The following COXFA4 variants were observed in gnomAD, a reference collection of about 807,000 sequenced individuals.
The protein encoded by COXFA4 is cytochrome c oxidase associated subunit FA4, also known as cytochrome c oxidase subunit FA4.
the COXFA4 span, chr7:10,933,427 A>G: frequency 1.8e-6 from 1 of 552,506 alleles, no homozygotes; most frequent in Non-Finnish European, 3.2e-6. Flanking sequence ...AGTTCAGAGC[A>G]TACTTTCAGC....
At chr7:10,937,642 A>C in the COXFA4 span, among the ~76,000 whole-genome samples, 1 of 152,132 alleles carries the variant, frequency 6.6e-6, no homozygotes, top group African/African-American at 2.4e-5. Flanking sequence ...CACATAAGGA[A>C]GGTTATGTTT....
At chr7:10,940,105 A>G in the COXFA4 span, 19 of 1,588,670 alleles carry the variant, frequency 1.2e-5, no homozygotes, top group African/African-American at 2.0e-4. Flanking sequence ...CGACCTAGCC[A>G]CCAGGCCCTA....
chr7:10,935,779 G>GT, the COXFA4 span, among the ~76,000 whole-genome samples: 1 of 152,344 alleles, frequency 6.6e-6, no homozygotes, highest in East Asian at 1.9e-4. Context: ...CTGGTCTACA[G>GT]TATCTTGTTA....
chr7:10,936,712 A>T, the COXFA4 span, among the ~76,000 whole-genome samples: 2 of 152,174 alleles, frequency 1.3e-5, no homozygotes, highest in Non-Finnish European at 2.9e-5. Context: ...TTAAGGGGAA[A>T]ACGTGAAATC....
At chr7:10,933,819 TAAC>T in the COXFA4 span, 2 of 692,046 alleles carry the variant, frequency 2.9e-6, no homozygotes, top group Admixed American at 2.6e-5. Context: ...AAAGAATATT[TAAC>T]AACATAAAAT....
chr7:10,934,240 T>C, the COXFA4 span, among the ~76,000 whole-genome samples: 1 of 152,226 alleles, frequency 6.6e-6, no homozygotes, highest in East Asian at 1.9e-4. Flanking sequence ...ATCCAGACTA[T>C]ATTCAATATC....
chr7:10,937,991 G>A, the COXFA4 span: 1 of 945,224 alleles, frequency 1.1e-6, no homozygotes, highest in Admixed American at 1.8e-5. Flanking sequence ...TCAATATAAT[G>A]GAATTTTACT....
the COXFA4 span, chr7:10,938,231 C>G: frequency 8.1e-7 from 1 of 1,228,986 alleles, no homozygotes; most frequent in South Asian, 1.2e-5. Flanking sequence ...TTGAACAGAT[C>G]AATCTTATTT....
chr7:10,938,606 G>A, the COXFA4 span: 2 of 524,828 alleles, frequency 3.8e-6, no homozygotes, highest in South Asian at 2.3e-5. Context: ...CTTTACCAAA[G>A]AGAAAACGAG....
chr7:10,939,919 G>C, the COXFA4 span: 2 of 1,368,902 alleles, frequency 1.5e-6, no homozygotes, highest in Non-Finnish European at 2.1e-6. Flanking sequence ...CGGACGGTAA[G>C]TGGCTGTAAA....
chr7:10,936,448 G>C, the COXFA4 span, among the ~76,000 whole-genome samples: 69 of 152,270 alleles, frequency 4.5e-4, no homozygotes, highest in Admixed American at 8.5e-4. Context: ...ATCAAAGCCT[G>C]CTAGTTTTTT....
At chr7:10,933,766 G>A in the COXFA4 span, 1 of 1,147,646 alleles carries the variant, frequency 8.7e-7, no homozygotes, top group Non-Finnish European at 1.3e-6. Context: ...AGAATTCTTT[G>A]TATTTGGTTT....
chr7:10,938,978 T>C, the COXFA4 span: 5 of 1,075,898 alleles, frequency 4.6e-6, no homozygotes, highest in Non-Finnish European at 7.2e-6. Context: ...TTTCTGCACA[T>C]TGATTTCCAA....
At chr7:10,940,028 C>G in the COXFA4 span, 4 of 1,613,954 alleles carry the variant, frequency 2.5e-6, no homozygotes, top group Non-Finnish European at 3.4e-6. Context: ...TCGGATGCTT[C>G]TTGGCCTGAC....
At chr7:10,934,892 G>C in the COXFA4 span, among the ~76,000 whole-genome samples, 1 of 151,858 alleles carries the variant, frequency 6.6e-6, no homozygotes, top group Admixed American at 6.6e-5. Context: ...TAGACAATAA[G>C]GTTAAAAAAA....
chr7:10,936,336 A>G, the COXFA4 span, among the ~76,000 whole-genome samples: 1 of 152,200 alleles, frequency 6.6e-6, no homozygotes, highest in Non-Finnish European at 1.5e-5. Flanking sequence ...ATGTGTTGTG[A>G]TATTTCAGAA....
chr7:10,935,477 C>A, the COXFA4 span, among the ~76,000 whole-genome samples: 3 of 152,326 alleles, frequency 2.0e-5, no homozygotes, highest in African/African-American at 7.2e-5. Flanking sequence ...TAGATTATAG[C>A]ATGGCAACAA....
chr7:10,933,241 C>T, the COXFA4 span: 1 of 174,016 alleles, frequency 5.7e-6, no homozygotes, highest in Non-Finnish European at 1.2e-5. Flanking sequence ...GAGTATCCTT[C>T]CCAATTTACT....
chr7:10,938,398 A>G, the COXFA4 span: 9 of 500,164 alleles, frequency 1.8e-5, no homozygotes. Flanking sequence ...CTTTCCATTT[A>G]ATTAATAAAG....
Sources: allele counts gnomAD v4.1 joint callset (sites outside exome capture counted in the v4.1 genomes callset), GRCh38; gene constraint gnomAD v4.1.1; transcripts MANE v1.5; gene names NCBI Gene and HGNC (gene_info 2026-07-23, HGNC 2026-07-21).